Variants in MRTFA observed in about 807,000 individuals in gnomAD.
MRTFA encodes the protein myocardin related transcription factor A.
Under a neutral mutation model 83.5 loss-of-function variants are expected in MRTFA, and 20 were observed. That is an observed-to-expected ratio of 0.24 (90% confidence interval 0.17 to 0.35). The LOEUF (loss-of-function observed/expected upper bound fraction) is 0.35, where lower values mean the gene tolerates loss of function less well. MRTFA is among the 10% of genes least tolerant of loss of function. The probability of loss-of-function intolerance (pLI) is 1.00; values close to 1 mark genes in which losing one functional copy is unlikely to be tolerated. For missense variants in MRTFA, 1,200 were observed against 1,224.7 expected (o/e 0.98, Z 0.30); for synonymous variants, 659 against 541.2 (o/e 1.22, Z -3.02).
intron 12 of MRTFA, 139 bp downstream of exon 12, chr22:40,418,235 A>G (rs2052729543): frequency 2.1e-6 from 3 of 1,450,682 alleles, no homozygotes; most frequent in African/African-American, 1.4e-5. Flanking sequence ...AAGTCTCAGT[A>G]CCCCCCTGGT....
rs906164127 is a variant in MRTFA, at chr22:40,410,965, C to T, written c.*425G>A. 1 of 237,638 alleles carries T rather than the reference C, an allele frequency of 4.2e-6. No individual in the cohort carries two copies. Among genetic ancestry groups the T allele is most frequent in the African/African-American group, 2.2e-5 (1 of 45,500 alleles). The allele number at this position is 237,638 out of a possible 1,614,324, so 14.7% of individuals were successfully genotyped here. On this transcript the variant is annotated 3_prime_UTR_variant, in exon 15 of 15. Coordinates refer to ENST00000355630, the MANE Select transcript of MRTFA (RefSeq NM_020831.6). The stretch of plus-strand genomic sequence containing the variant: ...GGTAGAGGCCCAGGCTAATTTCTCC[C>T]TTCACAGCAAAGCAGGGAGAGAAAG...
intron 3 of MRTFA, among the ~76,000 whole-genome samples, chr22:40,535,348 C>CTTTTCT (rs2055150251): frequency 2.8e-5 from 3 of 107,124 alleles, no homozygotes; most frequent in African/African-American, 1.1e-4. Context: ...GAGGTTTTTT[C>CTTTTCT]TTTTTTTTTT....
intron 1 of MRTFA, among the ~76,000 whole-genome samples, chr22:40,604,063 A>C (rs1228671755): frequency 6.6e-6 from 1 of 152,160 alleles, no homozygotes; most frequent in African/African-American, 2.4e-5. Flanking sequence ...GAAAACAGAT[A>C]AAGAACAAAG....
chr22:40,419,664 C>T (rs1193985877), intron 11 of MRTFA, among the ~76,000 whole-genome samples: 2 of 152,226 alleles, frequency 1.3e-5, no homozygotes, highest in Admixed American at 6.5e-5. Context: ...CCCCCAGCCC[C>T]CAGCATGGTG....
At position 40,427,430 on chromosome 22, in the gene MRTFA, G is replaced by T. The variant is rs2052978467; in HGVS notation, c.601+2176C>A. ...AAGCCTAATTCAGCATGCGTTGGGG[G>T]TCTGCTGCAGTGTTTCCCCTCTGCC... On this transcript the variant is annotated intron_variant, in intron 7 of 14. Transcript: ENST00000355630. Among the ~76,000 whole-genome samples the T allele has an allele frequency of 3.3e-5, 5 of 152,160 alleles. No homozygotes were observed. In the South Asian group the frequency reaches 1.0e-3, roughly 32 times the overall value.
At position 40,418,749 on chromosome 22, in the gene MRTFA, C is replaced by A. The variant is rs778231269; in HGVS notation, c.1989G>T (p.Gln663His). 6.7e-7 allele frequency: 1 copy of A among 1,501,044 alleles called. No individual in the cohort carries two copies. Among genetic ancestry groups the A allele is most frequent in the Non-Finnish European group, 8.9e-7 (1 of 1,128,828 alleles). 93.0% of individuals were successfully genotyped at this position (1,501,044 alleles called of 1,614,324 possible). Residue 663 changes from glutamine to histidine, a missense_variant, in exon 12 of 15, where the codon CAG (glutamine) becomes CAT (histidine). By Grantham distance (24) the Gln-to-His change is conservative. Transcript: ENST00000355630. ...CGAGGGGGGCGGGGGCGGGGGCGGG[C>A]TGCTGGGCTCGCTTCTCCTGCTCCA... is the stretch of plus-strand genomic sequence containing the variant.
chr22:40,581,689 C>A (rs1436906262), intron 2 of MRTFA, among the ~76,000 whole-genome samples: 1 of 152,050 alleles, frequency 6.6e-6, no homozygotes, highest in Non-Finnish European at 1.5e-5. Flanking sequence ...CAGAGTCAGA[C>A]ACTATGGAAT....
chr22:40,532,494 A>G (rs2055099436), intron 3 of MRTFA, among the ~76,000 whole-genome samples: 1 of 152,260 alleles, frequency 6.6e-6, no homozygotes, highest in African/African-American at 2.4e-5. Context: ...GATCTGTAGG[A>G]GGAAAAGGAA....
intron 3 of MRTFA, among the ~76,000 whole-genome samples, chr22:40,515,233 T>G (rs1293911250): frequency 6.6e-6 from 1 of 152,088 alleles, no homozygotes; most frequent in African/African-American, 2.4e-5. Flanking sequence ...ATTCATTTAT[T>G]TCATTCATTA....
intron 3 of MRTFA, among the ~76,000 whole-genome samples, chr22:40,535,327 T>C (rs1325727741): frequency 6.6e-6 from 1 of 150,962 alleles, no homozygotes; most frequent in Non-Finnish European, 1.5e-5. Flanking sequence ...GCTGTATAAT[T>C]TGCTGTGTGA....
At chr22:40,605,240 T>G (rs967887162) in intron 1 of MRTFA, among the ~76,000 whole-genome samples, 7 of 152,168 alleles carry the variant, frequency 4.6e-5, no homozygotes, top group Non-Finnish European at 1.0e-4. Flanking sequence ...GGGTTTATAA[T>G]CTAACAGCAC....
intron 3 of MRTFA, among the ~76,000 whole-genome samples, chr22:40,497,644 T>G (rs751018120): frequency 6.6e-6 from 1 of 151,962 alleles, no homozygotes; most frequent in Non-Finnish European, 1.5e-5. Context: ...TCCCAGCTAC[T>G]CAGGAGGCTG....
At chr22:40,589,031 AT>A (rs1233501094) in intron 2 of MRTFA, among the ~76,000 whole-genome samples, 1 of 152,102 alleles carries the variant, frequency 6.6e-6, no homozygotes, top group African/African-American at 2.4e-5. Context: ...AATATTTACC[AT>A]TTTTTTCATA....
chr22:40,476,732 A>G (rs2054003291), intron 3 of MRTFA, among the ~76,000 whole-genome samples: 1 of 152,096 alleles, frequency 6.6e-6, no homozygotes. Context: ...GAGTACAGAT[A>G]TGAACCACCG....
At chr22:40,478,432 G>T (rs148022459) in intron 3 of MRTFA, among the ~76,000 whole-genome samples, 7 of 152,116 alleles carry the variant, frequency 4.6e-5, no homozygotes, top group Non-Finnish European at 1.0e-4. Context: ...TACTATCTTT[G>T]TAACTTTCTT....
intron 3 of MRTFA, among the ~76,000 whole-genome samples, chr22:40,465,008 T>C (rs1051539845): frequency 5.9e-5 from 9 of 152,132 alleles, no homozygotes; most frequent in African/African-American, 2.2e-4. Flanking sequence ...GTTATCTTAA[T>C]CAAGCCTGGC....
At chr22:40,497,556 C>A (rs937532992) in intron 3 of MRTFA, among the ~76,000 whole-genome samples, 2 of 150,864 alleles carry the variant, frequency 1.3e-5, no homozygotes, top group African/African-American at 2.4e-5. Context: ...AGTTCGAGAC[C>A]AGCCTGACCA....
chr22:40,544,665 A>G (rs1390627162), intron 3 of MRTFA, among the ~76,000 whole-genome samples: 1 of 152,252 alleles, frequency 6.6e-6, no homozygotes, highest in Non-Finnish European at 1.5e-5. Flanking sequence ...TATTAAAGAA[A>G]AAAACCAATA....
intron 3 of MRTFA, among the ~76,000 whole-genome samples, chr22:40,545,124 A>G (rs145146772): frequency 6.6e-6 from 1 of 151,532 alleles, no homozygotes; most frequent in African/African-American, 2.4e-5. Flanking sequence ...GAACTCCTTG[A>G]GCTGAAGCCT....
Sources: allele counts gnomAD v4.1 joint callset (sites outside exome capture counted in the v4.1 genomes callset), GRCh38; gene constraint gnomAD v4.1.1; transcripts MANE v1.5; gene names NCBI Gene and HGNC (gene_info 2026-07-23, HGNC 2026-07-21).